Variants in PCDH15 observed in about 807,000 individuals in gnomAD.
The protein encoded by PCDH15 is protocadherin-15.
In PCDH15, 129 loss-of-function variants were observed where a neutral mutation model predicts 178.5. That is an observed-to-expected ratio of 0.72 (90% confidence interval 0.63 to 0.84). The LOEUF is 0.84. Ranked by LOEUF, PCDH15 falls within the 40% of genes least tolerant of loss-of-function variation. The pLI is 0.00. For synonymous variants in PCDH15, 800 were observed against 732.0 expected (o/e 1.09, Z -1.50); for missense variants, 2,230 against 2,099.9 (o/e 1.06, Z -1.21).
intron 19 of PCDH15, 64 bp from the exon 20 acceptor site, chr10:54,020,480 T>C: frequency 6.8e-7 from 1 of 1,466,702 alleles, no homozygotes; most frequent in Non-Finnish European, 9.5e-7. Context: ...GCAGGAAGGA[T>C]GGAAGTCATG....
intron 15 of PCDH15, among the ~76,000 whole-genome samples, chr10:54,098,789 T>C (rs1431169938): frequency 6.6e-6 from 1 of 152,176 alleles, no homozygotes; most frequent in Non-Finnish European, 1.5e-5. Flanking sequence ...AGAATCTAAT[T>C]ATTGTGGAAA....
At chr10:54,405,381 C>T (rs915965222) in intron 3 of PCDH15, among the ~76,000 whole-genome samples, 1 of 152,008 alleles carries the variant, frequency 6.6e-6, no homozygotes, top group Non-Finnish European at 1.5e-5. Context: ...ATGTCTTTTG[C>T]ACGAACATGG....
intron 1 of PCDH15, among the ~76,000 whole-genome samples, chr10:55,186,352 A>C (rs1839799470): frequency 6.6e-6 from 1 of 151,360 alleles, no homozygotes; most frequent in Non-Finnish European, 1.5e-5. Flanking sequence ...TTTTTAAAAA[A>C]CCAATTGAAC....
chr10:54,117,391 G>A (rs4625368), intron 15 of PCDH15, among the ~76,000 whole-genome samples: 34,685 of 152,010 alleles, frequency 0.23, 5,314 homozygotes, highest in East Asian at 0.86. Flanking sequence ...GAACCCCAAG[G>A]AGGGTGTCAC....
intron 3 of PCDH15, among the ~76,000 whole-genome samples, chr10:54,421,705 C>T (rs546119129): frequency 8.3e-6 from 1 of 120,640 alleles, no homozygotes; most frequent in Non-Finnish European, 1.8e-5. Flanking sequence ...CACACACACA[C>T]ACACACTATA....
At chr10:53,841,795 G>A (rs1589044064) in intron 28 of PCDH15, among the ~76,000 whole-genome samples, 2 of 151,992 alleles carry the variant, frequency 1.3e-5, no homozygotes, top group African/African-American at 4.8e-5. Context: ...AAAAGGAGGA[G>A]GAGCAAATTC....
intron 3 of PCDH15, among the ~76,000 whole-genome samples, chr10:54,526,797 G>A (rs1013432545): frequency 2.0e-5 from 3 of 152,102 alleles, no homozygotes; most frequent in Non-Finnish European, 4.4e-5. Context: ...ATACATCTGC[G>A]TCAATTCTTT....
chr10:54,204,300 A>G (rs1191051391), intron 10 of PCDH15, among the ~76,000 whole-genome samples: 2 of 151,782 alleles, frequency 1.3e-5, no homozygotes, highest in African/African-American at 4.8e-5. Context: ...GAATCATAAA[A>G]CTCTTAAGAA....
rs1268341278 is a variant in PCDH15 at position 55,022,805 on chromosome 10, C to T, written c.-79-125305G>A. The stretch of plus-strand genomic sequence containing the variant: ...GGCTCACTGCAAGCTCCGCCTCCCG[C>T]GTTCATGCCATTCTCCTGCCTCAGC... On this transcript the variant is annotated intron_variant, in intron 2 of 5. Coordinates refer to the PCDH15 transcript ENST00000458638. 1.7e-4 allele frequency among the ~76,000 whole-genome samples: 24 copies of T among 143,534 alleles called. No individual in the cohort carries two copies. The East Asian group carries it at 4.4e-3, about 26-fold the overall frequency. 94.2% of individuals were successfully genotyped at this position (143,534 alleles called of 152,430 possible).
intron 2 of PCDH15, among the ~76,000 whole-genome samples, chr10:55,539,504 A>G (rs1165385868): frequency 6.6e-6 from 1 of 152,108 alleles, no homozygotes; most frequent in African/African-American, 2.4e-5. Context: ...TTCAAAAGAA[A>G]GTAAAATGCT....
intron 3 of PCDH15, chr10:54,864,935 G>A (rs557501162): frequency 3.2e-4 from 49 of 152,226 alleles, no homozygotes; most frequent in African/African-American, 1.2e-3. Flanking sequence ...TCCAAAGAGA[G>A]GTAATTAAAG....
chr10:54,752,393 C>T lies in PCDH15; in HGVS notation c.-29+48532G>A, dbSNP rs948196979. 4.0e-5 allele frequency among the ~76,000 whole-genome samples: 6 copies of T among 150,844 alleles called. No homozygotes were observed. The East Asian group carries it at 5.8e-4, about 15-fold the overall frequency. ...TCTGGAGGCTGAGGCAGGAGAATGG[C>T]GTGAACCCGGGAGGCAGAGCTTGCA... is the stretch of plus-strand genomic sequence containing the variant. On this transcript the variant is annotated intron_variant, in intron 1 of 37. Coordinates refer to ENST00000644397, the MANE Select transcript of PCDH15 (RefSeq NM_001384140.1).
chr10:53,806,547 A>AAAAT lies in PCDH15; in HGVS notation c.*28_*31dup. 1.3e-6 allele frequency: 2 copies of AAAAT among 1,482,166 alleles called. No individual in the cohort carries two copies. Among genetic ancestry groups the AAAAT allele is most frequent in the East Asian group, 5.0e-5 (2 of 40,192 alleles). The allele number at this position is 1,482,166 out of a possible 1,614,324, so 91.8% of individuals were successfully genotyped here. ...GCACAGTTTATTAAAAATGTAAGTA[A>AAAAT]AAATTAATTAAAATATCTTTTAAAA... is the stretch of plus-strand genomic sequence containing the variant. On this transcript the variant is annotated 3_prime_UTR_variant, in exon 38 of 38. Coordinates refer to ENST00000644397, the MANE Select transcript of PCDH15 (RefSeq NM_001384140.1).
intron 2 of PCDH15, among the ~76,000 whole-genome samples, chr10:55,123,517 G>A (rs1837823714): frequency 6.6e-6 from 1 of 151,998 alleles, no homozygotes; most frequent in Non-Finnish European, 1.5e-5. Context: ...TGATAAGAAG[G>A]GACACTACTC....
intron 2 of PCDH15, among the ~76,000 whole-genome samples, chr10:55,623,923 T>C (rs1022271534): frequency 6.6e-6 from 1 of 152,064 alleles, no homozygotes; most frequent in Non-Finnish European, 1.5e-5. Flanking sequence ...TGCATCACAA[T>C]AGTGGCATCC....
At chr10:54,890,307 G>T (rs1411079467) in intron 3 of PCDH15, among the ~76,000 whole-genome samples, 1 of 152,132 alleles carries the variant, frequency 6.6e-6, no homozygotes, top group East Asian at 1.9e-4. Context: ...TGTTTAAGAA[G>T]TATGATTAAG....
chr10:53,867,860 T>C (rs1007027320), intron 26 of PCDH15, among the ~76,000 whole-genome samples: 3 of 152,144 alleles, frequency 2.0e-5, no homozygotes, highest in African/African-American at 7.2e-5. Flanking sequence ...AGAGTTAGAA[T>C]ACTATCCGAC....
chr10:54,359,078 T>G (rs1304289329), intron 5 of PCDH15, among the ~76,000 whole-genome samples: 1 of 150,964 alleles, frequency 6.6e-6, no homozygotes, highest in African/African-American at 2.4e-5. Context: ...AGTTAATGGG[T>G]GCAGCACACC....
chr10:54,495,235 C>T (rs939118185), intron 3 of PCDH15, among the ~76,000 whole-genome samples: 1 of 152,150 alleles, frequency 6.6e-6, no homozygotes, highest in Non-Finnish European at 1.5e-5. Flanking sequence ...ATGTTAATAA[C>T]TCATCTGCAA....
Sources: allele counts gnomAD v4.1 joint callset (sites outside exome capture counted in the v4.1 genomes callset), GRCh38; gene constraint gnomAD v4.1.1; transcripts MANE v1.5; gene names NCBI Gene and HGNC (gene_info 2026-07-23, HGNC 2026-07-21).